The following IL1RAPL1 variants were observed in gnomAD, a reference collection of about 807,000 sequenced individuals.
The protein encoded by IL1RAPL1 is interleukin 1 receptor accessory protein like 1.
Under a neutral mutation model 48.4 loss-of-function variants are expected in IL1RAPL1, and 3 were observed. The ratio of observed to expected loss-of-function variants is 0.06; its 90% CI spans 0.03 to 0.16. IL1RAPL1 has a LOEUF of 0.16. IL1RAPL1 is among the 10% of genes least tolerant of loss of function. The probability of loss-of-function intolerance (pLI) is 1.00; values close to 1 mark genes in which losing one functional copy is unlikely to be tolerated. For synonymous variants in IL1RAPL1, 185 were observed against 187.7 expected (o/e 0.99, Z 0.12); for missense variants, 349 against 530.6 (o/e 0.66, Z 3.36).
chrX:29,906,356 A>AAC (rs1771161952), intron 6 of IL1RAPL1, among the ~76,000 whole-genome samples: 1 of 95,982 alleles, frequency 1.0e-5, no homozygotes, highest in Admixed American at 1.2e-4. Flanking sequence ...CAAACAACAA[A>AAC]AAAAAAAACA....
intron 2 of IL1RAPL1, among the ~76,000 whole-genome samples, chrX:29,083,929 A>G (rs1411487815): frequency 9.0e-6 from 1 of 111,379 alleles, no homozygotes; most frequent in Non-Finnish European, 1.9e-5. Flanking sequence ...CTTCAGAGAG[A>G]AAGAAAAGAG....
intron 2 of IL1RAPL1, among the ~76,000 whole-genome samples, chrX:29,176,085 CTTTTTTT>C (rs752040172): frequency 4.0e-5 from 3 of 75,751 alleles, no homozygotes; most frequent in African/African-American, 9.7e-5. Context: ...TGGTAATTTG[CTTTTTTT>C]TTTTTTTTTT....
intron 2 of IL1RAPL1, among the ~76,000 whole-genome samples, chrX:29,054,580 T>G (rs890418916): frequency 1.8e-5 from 2 of 111,124 alleles, no homozygotes; most frequent in Non-Finnish European, 1.9e-5. Context: ...GAGGAAAATT[T>G]TTGTAAGGTG....
chrX:29,461,816 C>G (rs1602246488), intron 5 of IL1RAPL1, among the ~76,000 whole-genome samples: 1 of 111,781 alleles, frequency 8.9e-6, no homozygotes, highest in South Asian at 3.7e-4. Context: ...AAGGATAAAA[C>G]TATAGAGACA....
At chrX:29,711,332 C>T (rs969236743) in intron 6 of IL1RAPL1, among the ~76,000 whole-genome samples, 13 of 106,361 alleles carry the variant, frequency 1.2e-4, no homozygotes, top group African/African-American at 2.4e-4. Context: ...TACCGCCATG[C>T]GCCACCAGTC....
intron 2 of IL1RAPL1, among the ~76,000 whole-genome samples, chrX:28,832,530 C>G (rs1042129632): frequency 4.5e-5 from 5 of 110,653 alleles, no homozygotes; most frequent in Non-Finnish European, 1.9e-5. Context: ...AAAAATAAAC[C>G]AGAAGTAGAA....
intron 5 of IL1RAPL1, among the ~76,000 whole-genome samples, chrX:29,526,592 G>A (rs982977596): frequency 4.5e-5 from 5 of 111,485 alleles, no homozygotes; most frequent in South Asian, 7.3e-4. Flanking sequence ...GACAAAATTC[G>A]ACAGCTACCA....
intron 2 of IL1RAPL1, among the ~76,000 whole-genome samples, chrX:28,814,569 T>C: frequency 9.1e-6 from 1 of 110,366 alleles, no homozygotes; most frequent in Non-Finnish European, 1.9e-5. Flanking sequence ...GGAATATTCA[T>C]GTTTAAGGTG....
At chrX:29,567,616 A>G (rs1468083411) in intron 5 of IL1RAPL1, among the ~76,000 whole-genome samples, 1 of 111,963 alleles carries the variant, frequency 8.9e-6, no homozygotes, top group East Asian at 2.8e-4. Flanking sequence ...AATGTTAGGA[A>G]AAGTCAAAAT....
At chrX:29,497,708 C>T (rs1201644847) in intron 5 of IL1RAPL1, among the ~76,000 whole-genome samples, 1 of 110,989 alleles carries the variant, frequency 9.0e-6, no homozygotes, top group Non-Finnish European at 1.9e-5. Flanking sequence ...AACTGTGTAG[C>T]ATTCTTTTCT....
intron 2 of IL1RAPL1, among the ~76,000 whole-genome samples, chrX:29,248,515 A>G (rs939799628): frequency 2.7e-5 from 3 of 112,629 alleles, no homozygotes; most frequent in African/African-American, 9.7e-5. Flanking sequence ...GTTCAACTCA[A>G]TGCAAAAATG....
At chrX:28,610,196 T>C (rs769388946) in intron 1 of IL1RAPL1, among the ~76,000 whole-genome samples, 1 of 112,031 alleles carries the variant, frequency 8.9e-6, no homozygotes, top group Non-Finnish European at 1.9e-5. Flanking sequence ...TTGATTACAG[T>C]GTTCAAAATT....
At chrX:29,049,257 A>G (rs912602279) in intron 2 of IL1RAPL1, among the ~76,000 whole-genome samples, 2 of 112,505 alleles carry the variant, frequency 1.8e-5, no homozygotes, top group Non-Finnish European at 3.8e-5. Flanking sequence ...GAACACATTC[A>G]CCAACCTTGG....
chrX:29,605,891 A>C (rs943427415), intron 5 of IL1RAPL1, among the ~76,000 whole-genome samples: 3 of 112,152 alleles, frequency 2.7e-5, no homozygotes, highest in Non-Finnish European at 3.8e-5. Context: ...GAAAGGGATG[A>C]AGGACATACT....
intron 2 of IL1RAPL1, among the ~76,000 whole-genome samples, chrX:29,281,751 T>C (rs1214410188): frequency 1.8e-5 from 2 of 112,357 alleles, no homozygotes; most frequent in African/African-American, 6.5e-5. Flanking sequence ...AATTATTAAA[T>C]GTAACAGGGG....
intron 2 of IL1RAPL1, among the ~76,000 whole-genome samples, chrX:29,002,419 G>A (rs1486810690): frequency 9.0e-6 from 1 of 110,572 alleles, no homozygotes. Context: ...GGCAGGAAAG[G>A]TGCTTCTAAG....
intron 6 of IL1RAPL1, among the ~76,000 whole-genome samples, chrX:29,851,763 A>G (rs1347798040): frequency 4.5e-5 from 5 of 111,017 alleles, no homozygotes; most frequent in Non-Finnish European, 7.5e-5. Flanking sequence ...TGTGGGTTCT[A>G]TCTCCTTTTC....
At chrX:29,092,590 A>T in intron 2 of IL1RAPL1, among the ~76,000 whole-genome samples, 1 of 112,274 alleles carries the variant, frequency 8.9e-6, no homozygotes, top group Admixed American at 9.5e-5. Flanking sequence ...AATAGTAAAC[A>T]ACCATTTAAA....
At chrX:28,795,513 A>G (rs888603393) in intron 2 of IL1RAPL1, among the ~76,000 whole-genome samples, 2 of 111,406 alleles carry the variant, frequency 1.8e-5, no homozygotes, top group East Asian at 5.6e-4. Flanking sequence ...GATAAAAGGC[A>G]GTATGAATGA....
Sources: gnomAD v4.1 joint callset for allele counts (sites outside exome capture counted in the v4.1 genomes callset) on GRCh38, gnomAD v4.1.1 for gene constraint, MANE v1.5 for transcripts, NCBI Gene and HGNC (gene_info 2026-07-23, HGNC 2026-07-21) for gene names.